Variants in METTL24 observed in about 807,000 individuals in gnomAD.
The protein encoded by METTL24 is methyltransferase like 24, also known as probable methyltransferase-like protein 24.
In METTL24, 29 loss-of-function variants were observed where a neutral mutation model predicts 32.7. The ratio of observed to expected loss-of-function variants is 0.89; its 90% CI spans 0.66 to 1.21. METTL24 has a LOEUF of 1.21. Ranked by LOEUF, METTL24 falls within the 50% of genes most tolerant of loss-of-function variation. METTL24 has a pLI of 0.00. For synonymous variants in METTL24, 163 were observed against 179.5 expected (o/e 0.91, Z 0.73); for missense variants, 439 against 468.1 (o/e 0.94, Z 0.57).
intron 1 of METTL24, among the ~76,000 whole-genome samples, chr6:110,337,810 C>A (rs1333768972): frequency 6.6e-6 from 1 of 152,220 alleles, no homozygotes; most frequent in African/African-American, 2.4e-5. Context: ...ATTTCTTAAT[C>A]CTTCAAGCCT....
intron 4 of METTL24, among the ~76,000 whole-genome samples, chr6:110,247,888 T>C (rs963587311): frequency 2.6e-5 from 4 of 152,154 alleles, no homozygotes; most frequent in African/African-American, 9.7e-5. Context: ...TGGATGTTTG[T>C]CCCCTCCAAA....
intron 3 of METTL24, among the ~76,000 whole-genome samples, chr6:110,309,598 G>A (rs771322489): frequency 6.6e-6 from 1 of 152,166 alleles, no homozygotes; most frequent in Non-Finnish European, 1.5e-5. Flanking sequence ...AGGCAAGGAG[G>A]AGCAAGTCAT....
chr6:110,311,468 GTTTTTTTT>G (rs1051868507), intron 3 of METTL24, among the ~76,000 whole-genome samples: 11 of 96,150 alleles, frequency 1.1e-4, no homozygotes, highest in Non-Finnish European at 1.0e-4. Flanking sequence ...TTCTTTCTTT[GTTTTTTTT>G]TTTTTTTTTT....
intron 4 of METTL24, among the ~76,000 whole-genome samples, chr6:110,291,692 C>T (rs191217741): frequency 4.9e-4 from 75 of 152,284 alleles, no homozygotes; most frequent in African/African-American, 1.8e-3. Flanking sequence ...TCTCCCTCCT[C>T]CCACCCTCCA....
intron 4 of METTL24, among the ~76,000 whole-genome samples, chr6:110,272,096 TG>T (rs1482651681): frequency 6.6e-6 from 1 of 152,176 alleles, no homozygotes. Flanking sequence ...ACCCAGTATG[TG>T]GTCTTGTCTC....
At chr6:110,281,639 ACT>A (rs1467562637) in intron 4 of METTL24, among the ~76,000 whole-genome samples, 2 of 150,056 alleles carry the variant, frequency 1.3e-5, no homozygotes, top group Non-Finnish European at 3.0e-5. Context: ...ATGGAGTGAG[ACT>A]CTGTCTCAAA....
At chr6:110,332,877 C>G (rs1164663129) in intron 1 of METTL24, among the ~76,000 whole-genome samples, 2 of 151,006 alleles carry the variant, frequency 1.3e-5, no homozygotes, top group East Asian at 1.9e-4. Flanking sequence ...ACACTGCACT[C>G]TAGCCTGGGC....
At chr6:110,279,012 C>T (rs1364569658) in intron 4 of METTL24, among the ~76,000 whole-genome samples, 2 of 149,716 alleles carry the variant, frequency 1.3e-5, no homozygotes, top group African/African-American at 2.5e-5. Flanking sequence ...CAGTGATGTT[C>T]CACAAAGAGT....
intron 1 of METTL24, among the ~76,000 whole-genome samples, chr6:110,345,094 C>G (rs945975384): frequency 6.6e-6 from 1 of 151,890 alleles, no homozygotes; most frequent in Non-Finnish European, 1.5e-5. Flanking sequence ...AAAAAACAGC[C>G]CCATTAAAAA....
chr6:110,275,103 G>C (rs1360811799), intron 4 of METTL24, among the ~76,000 whole-genome samples: 1 of 151,420 alleles, frequency 6.6e-6, no homozygotes, highest in Non-Finnish European at 1.5e-5. Context: ...CTGTCTGCTT[G>C]CCTGATATTT....
chr6:110,268,399 A>C (rs927757596), intron 4 of METTL24, among the ~76,000 whole-genome samples: 5 of 152,220 alleles, frequency 3.3e-5, no homozygotes, highest in African/African-American at 1.2e-4. Flanking sequence ...GAAGGATCCA[A>C]GCACAAAATA....
At chr6:110,285,631 T>C (rs893916154) in intron 4 of METTL24, among the ~76,000 whole-genome samples, 1 of 152,192 alleles carries the variant, frequency 6.6e-6, no homozygotes, top group African/African-American at 2.4e-5. Flanking sequence ...AGGCATTAGC[T>C]GTTTTTTTAA....
chr6:110,264,365 GA>G (rs1770813475), intron 4 of METTL24, among the ~76,000 whole-genome samples: 1 of 152,118 alleles, frequency 6.6e-6, no homozygotes, highest in South Asian at 2.1e-4. Flanking sequence ...AAAGACACAT[GA>G]AAAAATGCTC....
intron 1 of METTL24, among the ~76,000 whole-genome samples, chr6:110,331,137 A>G (rs1380976285): frequency 6.6e-6 from 1 of 152,206 alleles, no homozygotes; most frequent in Admixed American, 6.5e-5. Context: ...ATAAAATCTC[A>G]GGGGATGAAT....
chr6:110,358,087 C>T lies in METTL24; in HGVS notation c.186G>A (p.Pro62=). Residue 62 remains proline, a synonymous_variant, in exon 1 of 5, where the codon CCG becomes CCA. Coordinates refer to ENST00000338882, the MANE Select transcript of METTL24 (RefSeq NM_001123364.3). ...RPPGPHLPPA[P]GQPRGASRRQ... ...TCCTGCTGGCGCCGCGCGGCTGGCCCGGCGCGGGCGGCAGGTGCGGCCCAG... is the reference window on the plus strand; with the variant it reads ...TCCTGCTGGCGCCGCGCGGCTGGCCTGGCGCGGGCGGCAGGTGCGGCCCAG... The T allele has an allele frequency of 2.0e-6, 2 of 997,550 alleles. No homozygotes were observed. The highest frequency in any genetic ancestry group is 2.4e-6 in the Non-Finnish European group (2 of 839,602). 61.8% of individuals were successfully genotyped at this position (997,550 alleles called of 1,614,324 possible).
At chr6:110,322,977 A>G in intron 1 of METTL24, 105 bp from the exon 2 acceptor site, 1 of 770,756 alleles carries the variant, frequency 1.3e-6, no homozygotes, top group Non-Finnish European at 2.1e-6. Flanking sequence ...GCTGTCAGCA[A>G]AACACACACA....
rs570617032 is a variant in METTL24 at position 110,288,034 on chromosome 6, T to C, written c.786+10888A>G. On this transcript the variant is annotated intron_variant, in intron 4 of 4. Transcript: ENST00000338882. ...CAGAAATCAGATACGATAGGCTGCA[T>C]GGGAATAAAAACAATGAAACTATGA... Among the ~76,000 whole-genome samples the C allele has an allele frequency of 2.0e-5, 3 of 152,260 alleles. No individual in the cohort carries two copies. In the South Asian group the frequency reaches 6.2e-4, roughly 32 times the overall value.
intron 4 of METTL24, among the ~76,000 whole-genome samples, chr6:110,252,143 T>TA (rs1490161871): frequency 6.6e-6 from 1 of 152,032 alleles, no homozygotes; most frequent in Admixed American, 6.6e-5. Context: ...AACTCTTCCT[T>TA]AAAAAACAAA....
chr6:110,324,671 CTCT>C (rs1280711746), intron 1 of METTL24, among the ~76,000 whole-genome samples: 1 of 152,210 alleles, frequency 6.6e-6, no homozygotes, highest in Non-Finnish European at 1.5e-5. Flanking sequence ...TTTCTTGTAG[CTCT>C]TCTTGTTCTG....
Sources: gnomAD v4.1 joint callset for allele counts (sites outside exome capture counted in the v4.1 genomes callset) on GRCh38, gnomAD v4.1.1 for gene constraint, MANE v1.5 for transcripts, NCBI Gene and HGNC (gene_info 2026-07-23, HGNC 2026-07-21) for gene names.